ERCC1: variants seen among roughly 807,000 people sequenced by gnomAD.
ERCC1 encodes ERCC excision repair 1, endonuclease non-catalytic subunit.
Under a neutral mutation model 37.6 loss-of-function variants are expected in ERCC1, and 36 were observed. The observed-to-expected ratio is 0.96, with a 90% confidence interval of 0.73 to 1.26. ERCC1 has a LOEUF of 1.26. Ranked by LOEUF, ERCC1 falls within the 50% of genes most tolerant of loss-of-function variation. The pLI is 0.00. For missense variants in ERCC1, 349 were observed against 376.5 expected (o/e 0.93, Z 0.60); for synonymous variants, 156 against 162.1 (o/e 0.96, Z 0.28).
At chr19:45,442,879 C>G (rs1245274359) in intron 1 of ERCC1, among the ~76,000 whole-genome samples, 1 of 151,986 alleles carries the variant, frequency 6.6e-6, no homozygotes, top group Non-Finnish European at 1.5e-5. Flanking sequence ...CCACAGCACC[C>G]CAGAGGTATG....
At chr19:45,433,859 A>G (rs771448087) in intron 1 of ERCC1, among the ~76,000 whole-genome samples, 2 of 151,866 alleles carry the variant, frequency 1.3e-5, no homozygotes, top group Admixed American at 6.6e-5. Context: ...CTGGCTGGGC[A>G]CAGTGGCTCA....
At chr19:45,439,111 A>G (rs1275312936) in intron 1 of ERCC1, among the ~76,000 whole-genome samples, 1 of 151,956 alleles carries the variant, frequency 6.6e-6, no homozygotes, top group African/African-American at 2.4e-5. Flanking sequence ...TCTTGCACCC[A>G]GGAGGTGTAG....
chr19:45,437,163 C>A (rs1411480781), intron 1 of ERCC1, among the ~76,000 whole-genome samples: 1 of 151,700 alleles, frequency 6.6e-6, no homozygotes, highest in East Asian at 1.9e-4. Context: ...GGAGGAGAAT[C>A]GCTTGAACCC....
At position 45,407,372 on chromosome 19, in the gene ERCC1, T is replaced by C; in HGVS notation, c.*2303A>G. On this transcript the variant is annotated 3_prime_UTR_variant, in exon 10 of 10. Transcript: ENST00000300853. ...ACAAGTTTATTGGAAACTACTCCTT[T>C]ACAGAGTAGAGTGTCCTCAGAAAGC... is the stretch of plus-strand genomic sequence containing the variant. The C allele has an allele frequency of 5.2e-6, 4 of 766,606 alleles. No individual in the cohort carries two copies. Among genetic ancestry groups the C allele is most frequent in the Non-Finnish European group, 8.3e-6 (4 of 482,910 alleles). The allele number at this position is 766,606 out of a possible 1,614,324, so 47.5% of individuals were successfully genotyped here.
chr19:45,419,533 A>C (rs1320500517), intron 4 of ERCC1: 9 of 352,264 alleles, frequency 2.6e-5, no homozygotes, highest in Non-Finnish European at 4.9e-5. Flanking sequence ...TCGCGGTGGG[A>C]AGCAGGGCCC....
intron 1 of ERCC1, among the ~76,000 whole-genome samples, chr19:45,429,942 A>G (rs940853704): frequency 2.0e-5 from 3 of 152,028 alleles, no homozygotes; most frequent in Non-Finnish European, 4.4e-5. Flanking sequence ...ATGCCACCAC[A>G]CCCAGCTAAT....
intron 6 of ERCC1, 31 bp from the exon 7 acceptor site, chr19:45,414,991 G>A (rs1973965238): frequency 6.6e-7 from 1 of 1,512,756 alleles, no homozygotes; most frequent in Admixed American, 1.7e-5. Flanking sequence ...GCAGCCGGGA[G>A]GTGAGGTATC....
intron 7 of ERCC1, 177 bp downstream of exon 7, chr19:45,414,684 G>A: frequency 1.7e-6 from 1 of 580,774 alleles, no homozygotes; most frequent in Non-Finnish European, 3.2e-6. Context: ...TTGAGCTAGG[G>A]AGGGTAGCAG....
chr19:45,445,884 A>T (rs112750059), intron 1 of ERCC1, among the ~76,000 whole-genome samples: 7,086 of 151,890 alleles, frequency 0.047, 229 homozygotes, highest in Middle Eastern at 0.082. Context: ...TTTGTTAATT[A>T]ATTTATTTAT....
At chr19:45,419,372 C>G (rs533131223) in intron 4 of ERCC1, 175 bp from the exon 5 acceptor site, 26 of 618,100 alleles carry the variant, frequency 4.2e-5, no homozygotes, top group Non-Finnish European at 7.1e-5. Context: ...GAAGATGCTC[C>G]GCAGGGATTG....
At chr19:45,419,507 G>A (rs1052585639) in intron 4 of ERCC1, 13 of 384,382 alleles carry the variant, frequency 3.4e-5, no homozygotes, top group African/African-American at 1.0e-4. Context: ...GTGTGGGCAC[G>A]GGGACACTGC....
intron 4 of ERCC1, among the ~76,000 whole-genome samples, chr19:45,419,989 C>T (rs529346257): frequency 1.0e-4 from 15 of 149,316 alleles, no homozygotes; most frequent in African/African-American, 3.7e-4. Flanking sequence ...TCCAGGCCCC[C>T]AGCCCCTCCT....
chr19:45,416,298 G>A (rs1226123657), intron 6 of ERCC1, among the ~76,000 whole-genome samples: 1 of 152,216 alleles, frequency 6.6e-6, no homozygotes, highest in Non-Finnish European at 1.5e-5. Flanking sequence ...GGTTTGACAG[G>A]AGGAAAACCA....
chr19:45,440,088 C>T (rs1045822285), intron 1 of ERCC1, among the ~76,000 whole-genome samples: 49 of 151,960 alleles, frequency 3.2e-4, no homozygotes, highest in Non-Finnish European at 5.3e-4. Flanking sequence ...AGCGCACCCC[C>T]ACTCTGCCCT....
chr19:45,438,798 C>G (rs1324821487), intron 1 of ERCC1, among the ~76,000 whole-genome samples: 2 of 151,996 alleles, frequency 1.3e-5, no homozygotes, highest in Admixed American at 1.3e-4. Context: ...TGCGCCACCA[C>G]GCCCGGCTAA....
In ERCC1 at chr19:45,419,614, G is replaced by A. The variant is rs1357426032; in HGVS notation, c.426-417C>T. 1.1e-5 allele frequency: 3 copies of A among 269,162 alleles called. No individual in the cohort carries two copies. The East Asian group carries it at 2.7e-4, about 24-fold the overall frequency. 16.7% of individuals were successfully genotyped at this position (269,162 alleles called of 1,614,324 possible). A position where few individuals can be genotyped will look rare whatever the true frequency, so the allele number is the denominator to read the frequency against. On this transcript the variant is annotated intron_variant, in intron 4 of 9. Transcript: ENST00000300853. ...TTCATGACCCAGGGAACTAGGACTG[G>A]CTCTGCCCAGCAGTCTGCAGCTGTC...
At chr19:45,430,917 T>G (rs868429220) in intron 1 of ERCC1, among the ~76,000 whole-genome samples, 2 of 151,790 alleles carry the variant, frequency 1.3e-5, no homozygotes, top group African/African-American at 4.8e-5. Flanking sequence ...AAAAAAAAAT[T>G]ACCATAATAA....
At chr19:45,417,556 G>C (rs1029118410) in intron 5 of ERCC1, among the ~76,000 whole-genome samples, 1 of 152,094 alleles carries the variant, frequency 6.6e-6, no homozygotes. Context: ...ACGGGAGAGA[G>C]GATGTGAAAT....
intron 1 of ERCC1, among the ~76,000 whole-genome samples, chr19:45,442,325 A>AG (rs1975142680): frequency 1.4e-5 from 2 of 143,888 alleles, no homozygotes; most frequent in African/African-American, 5.1e-5. Flanking sequence ...CAAAAAAAAA[A>AG]AAAAGAAAAA....
Sources: gnomAD v4.1 joint callset for allele counts (sites outside exome capture counted in the v4.1 genomes callset) on GRCh38, gnomAD v4.1.1 for gene constraint, MANE v1.5 for transcripts, NCBI Gene and HGNC (gene_info 2026-07-23, HGNC 2026-07-21) for gene names.